Variants in SNTG1 observed in about 807,000 individuals in gnomAD.
SNTG1 encodes the protein gamma-1-syntrophin.
Under a neutral mutation model 74.7 loss-of-function variants are expected in SNTG1, and 39 were observed. The observed-to-expected ratio is 0.52, with a 90% CI of 0.40 to 0.68. The LOEUF is 0.68. SNTG1 is among the 30% of genes least tolerant of loss of function. The pLI, the probability that SNTG1 is intolerant of heterozygous loss-of-function variation, is 0.00. For synonymous variants in SNTG1, 254 were observed against 217.1 expected, an observed-to-expected ratio of 1.17 and a Z score of -1.49; for missense variants, 685 against 609.5, an observed-to-expected ratio of 1.12 and a Z score of -1.30.
rs80075475 is a variant in SNTG1 at position 50,122,472 on chromosome 8, G to A, written c.-102-50089G>A. ...ACAAGAAGTAGGTCAAAAAAAAGCTGTGACTGCACTCAGCCCTTTGGACCT... is the reference window on the plus strand; with the variant it reads ...ACAAGAAGTAGGTCAAAAAAAAGCTATGACTGCACTCAGCCCTTTGGACCT... On this transcript the variant is annotated intron_variant, in intron 1 of 18. Coordinates refer to ENST00000642720, the MANE Select transcript of SNTG1 (RefSeq NM_018967.5). Among the ~76,000 whole-genome samples the A allele has an allele frequency of 7.8e-3, 1,111 of 141,568 alleles. 131 individuals are homozygous for A. The highest frequency in any genetic ancestry group is 0.027 in the African/African-American group (1,064 of 39,150). The allele number at this position is 141,568 out of a possible 152,430, so 92.9% of individuals were successfully genotyped here. A position where few individuals can be genotyped will look rare whatever the true frequency, so the allele number is the denominator to read the frequency against.
intron 13 of SNTG1, among the ~76,000 whole-genome samples, chr8:50,647,202 A>G (rs1372605496): frequency 6.6e-6 from 1 of 152,074 alleles, no homozygotes; most frequent in Non-Finnish European, 1.5e-5. Context: ...GAAAGAAATA[A>G]TTAATTTATT....
At chr8:50,259,882 A>T (rs532340510) in intron 2 of SNTG1, among the ~76,000 whole-genome samples, 5 of 152,144 alleles carry the variant, frequency 3.3e-5, no homozygotes, top group Non-Finnish European at 7.3e-5. Context: ...TTTTCATGAG[A>T]CACAGTCTGG....
At chr8:50,107,899 G>T (rs2080441563) in intron 1 of SNTG1, among the ~76,000 whole-genome samples, 1 of 152,120 alleles carries the variant, frequency 6.6e-6, no homozygotes, top group Non-Finnish European at 1.5e-5. Flanking sequence ...TTGTAAGAAT[G>T]AAATGAGAAA....
At chr8:50,195,422 A>G (rs546112690) in intron 2 of SNTG1, among the ~76,000 whole-genome samples, 1 of 152,200 alleles carries the variant, frequency 6.6e-6, no homozygotes, top group East Asian at 1.9e-4. Flanking sequence ...AAGTCTGCAC[A>G]CCAGATTTCC....
chr8:50,169,481 G>A (rs115376042), intron 1 of SNTG1, among the ~76,000 whole-genome samples: 5 of 152,260 alleles, frequency 3.3e-5, no homozygotes, highest in African/African-American at 1.2e-4. Context: ...AATGTATAAA[G>A]ACCTAGAAAG....
At chr8:50,732,849 G>C (rs1233150024) in intron 17 of SNTG1, among the ~76,000 whole-genome samples, 2 of 151,692 alleles carry the variant, frequency 1.3e-5, no homozygotes, top group African/African-American at 4.8e-5. Context: ...AGGTTGAACA[G>C]GTTCTCCTAT....
At chr8:50,530,733 G>A (rs558548629) in intron 10 of SNTG1, among the ~76,000 whole-genome samples, 13 of 152,174 alleles carry the variant, frequency 8.5e-5, no homozygotes, top group African/African-American at 2.6e-4. Context: ...TGTAAAGAAC[G>A]TTTAACTATA....
intron 2 of SNTG1, among the ~76,000 whole-genome samples, chr8:50,272,621 C>G (rs2087842960): frequency 6.6e-6 from 1 of 152,172 alleles, no homozygotes; most frequent in African/African-American, 2.4e-5. Flanking sequence ...CCAATGGCCA[C>G]AGGATACCCG....
At chr8:50,788,785 T>C (rs1280422620) in intron 18 of SNTG1, among the ~76,000 whole-genome samples, 4 of 151,994 alleles carry the variant, frequency 2.6e-5, no homozygotes, top group Admixed American at 6.6e-5. Flanking sequence ...GAAGCAAAGC[T>C]ACACACTACC....
intron 18 of SNTG1, among the ~76,000 whole-genome samples, chr8:50,786,383 TA>T (rs1029902462): frequency 6.6e-6 from 1 of 152,006 alleles, no homozygotes; most frequent in African/African-American, 2.4e-5. Context: ...TAAGGGGAGC[TA>T]CATCCCATGT....
chr8:50,562,819 C>T (rs923762156), intron 12 of SNTG1, among the ~76,000 whole-genome samples: 2 of 152,108 alleles, frequency 1.3e-5, no homozygotes, highest in African/African-American at 2.4e-5. Flanking sequence ...CTAACATTTA[C>T]GTTATTAATT....
chr8:50,347,605 A>T (rs1364534498), intron 2 of SNTG1, among the ~76,000 whole-genome samples: 1 of 152,212 alleles, frequency 6.6e-6, no homozygotes, highest in Non-Finnish European at 1.5e-5. Context: ...CAAGATAATG[A>T]TTCCTCCAAT....
intron 2 of SNTG1, among the ~76,000 whole-genome samples, chr8:50,214,211 G>A (rs1175023940): frequency 1.5e-5 from 2 of 132,668 alleles, no homozygotes; most frequent in African/African-American, 5.7e-5. Flanking sequence ...TGAACAATGA[G>A]AACACATGGA....
intron 2 of SNTG1, among the ~76,000 whole-genome samples, chr8:50,272,336 C>T (rs1215421013): frequency 6.6e-6 from 1 of 152,170 alleles, no homozygotes; most frequent in Non-Finnish European, 1.5e-5. Context: ...CAAAGTGAAG[C>T]AGCAGCTTTT....
intron 1 of SNTG1, among the ~76,000 whole-genome samples, chr8:50,043,420 T>C (rs1661334816): frequency 6.6e-6 from 1 of 152,126 alleles, no homozygotes; most frequent in Admixed American, 6.5e-5. Flanking sequence ...AAGATGAAAA[T>C]TTTAAAAAGA....
chr8:50,002,360 G>T (rs375150778), intron 1 of SNTG1, among the ~76,000 whole-genome samples: 9 of 151,938 alleles, frequency 5.9e-5, no homozygotes, highest in African/African-American at 2.2e-4. Flanking sequence ...AGATAAGAGT[G>T]GTATCTCTTA....
chr8:50,685,217 C>T (rs1477940316), intron 15 of SNTG1, among the ~76,000 whole-genome samples: 1 of 152,022 alleles, frequency 6.6e-6, no homozygotes, highest in Admixed American at 6.6e-5. Flanking sequence ...AGGAAAATAA[C>T]CTTGCTTTTC....
At chr8:50,693,402 C>T (rs185668584) in intron 15 of SNTG1, among the ~76,000 whole-genome samples, 318 of 152,158 alleles carry the variant, frequency 2.1e-3, no homozygotes, top group Admixed American at 5.9e-3. Context: ...GCTCCTCCCC[C>T]GGGATAAGTT....
At chr8:50,729,670 A>G (rs1286181327) in intron 17 of SNTG1, among the ~76,000 whole-genome samples, 1 of 152,192 alleles carries the variant, frequency 6.6e-6, no homozygotes, top group Non-Finnish European at 1.5e-5. Flanking sequence ...TATTCACGGC[A>G]GAGAAATAGG....
Sources: gnomAD v4.1 joint callset for allele counts (sites outside exome capture counted in the v4.1 genomes callset) on GRCh38, gnomAD v4.1.1 for gene constraint, MANE v1.5 for transcripts, NCBI Gene and HGNC (gene_info 2026-07-23, HGNC 2026-07-21) for gene names.